The following USP16 variants were observed in gnomAD, a reference collection of about 807,000 sequenced individuals.
The protein encoded by USP16 is ubiquitin specific peptidase 16.
In USP16, 77 loss-of-function variants were observed where a neutral mutation model predicts 95.9. The ratio of observed to expected loss-of-function variants is 0.80; its 90% confidence interval spans 0.67 to 0.97. USP16 has a LOEUF of 0.97. Among genes scored for constraint, USP16 ranks in the 50% least tolerant of loss-of-function variants. The pLI is 0.00. For synonymous variants in USP16, 303 were observed against 318.2 expected, an observed-to-expected ratio of 0.95 and a Z score of 0.51; for missense variants, 943 against 959.9, an observed-to-expected ratio of 0.98 and a Z score of 0.23.
chr21:29,029,076 T>G (rs1046856963), intron 2 of USP16, among the ~76,000 whole-genome samples: 4 of 152,212 alleles, frequency 2.6e-5, no homozygotes, highest in African/African-American at 9.7e-5. Flanking sequence ...TCGGCACTGG[T>G]TAGTATCATC....
intron 2 of USP16, among the ~76,000 whole-genome samples, chr21:29,029,143 G>C (rs1413036149): frequency 6.6e-6 from 1 of 152,250 alleles, no homozygotes; most frequent in African/African-American, 2.4e-5. Context: ...ACCAGGTGTG[G>C]TGGCTCACGC....
chr21:29,040,559 A>G (rs117530642), intron 9 of USP16, 50 bp from the exon 10 acceptor site: 15,323 of 780,892 alleles, frequency 0.02, 193 homozygotes, highest in Non-Finnish European at 0.024. Context: ...TCTAAGGAAA[A>G]TAAAATTTAA....
At chr21:29,045,432 T>C (rs1330871425) in intron 13 of USP16, among the ~76,000 whole-genome samples, 8 of 152,234 alleles carry the variant, frequency 5.3e-5, no homozygotes, top group Non-Finnish European at 1.2e-4. Context: ...AAAAGTTCTT[T>C]ACTCTCTTCT....
rs539744325 is a variant in USP16 at position 29,027,953 on chromosome 21, G to A, written c.40G>A (p.Asp14Asn). 3 of 1,612,930 alleles carry A rather than the reference G, an allele frequency of 1.9e-6. No individual in the cohort carries two copies. The highest frequency in any genetic ancestry group is 2.2e-5 in the East Asian group (1 of 44,772). Residue 14 changes from aspartate to asparagine, a missense_variant, in exon 2 of 18, where the codon GAT becomes AAT. Asp to Asn is a conservative substitution (Grantham distance 23). Transcript: ENST00000399976. ...GACAAAGGGAAAAACTGTTCCAATC[G>A]ATGATTCCTCTGAAACTTTAGGTAT... Reference protein sequence around the residue: ...KRTKGKTVPIDDSSETLEPVC... With the variant: ...KRTKGKTVPINDSSETLEPVC...
At chr21:29,053,745 A>G in intron 16 of USP16, 57 bp from the exon 17 acceptor site, 1 of 1,564,194 alleles carries the variant, frequency 6.4e-7, no homozygotes, top group Non-Finnish European at 8.7e-7. Context: ...TGTCTTGCCC[A>G]TGACATCTGT....
intron 15 of USP16, 51 bp from the exon 16 acceptor site, chr21:29,050,041 C>G (rs779995844): frequency 1.1e-4 from 175 of 1,547,434 alleles, no homozygotes; most frequent in Non-Finnish European, 1.4e-4. Flanking sequence ...TTTACTTAAC[C>G]TGTATTGCTT....
chr21:29,040,153 T>G (rs1433574793), intron 9 of USP16, among the ~76,000 whole-genome samples: 1 of 152,236 alleles, frequency 6.6e-6, no homozygotes, highest in Non-Finnish European at 1.5e-5. Flanking sequence ...TCACAAAGTT[T>G]CTGTGAGGTG....
intron 16 of USP16, among the ~76,000 whole-genome samples, chr21:29,051,252 T>C (rs1290082528): frequency 2.0e-5 from 3 of 152,138 alleles, no homozygotes; most frequent in Non-Finnish European, 2.9e-5. Context: ...TTAGATACAT[T>C]TGAGTGTCAG....
chr21:29,026,215 T>C (rs537810556), intron 1 of USP16, among the ~76,000 whole-genome samples: 13 of 152,024 alleles, frequency 8.6e-5, no homozygotes, highest in Non-Finnish European at 1.9e-4. Flanking sequence ...TCCCAGCACT[T>C]TGGGAGGCCG....
chr21:29,051,593 G>A (rs1344468798), intron 16 of USP16, among the ~76,000 whole-genome samples: 1 of 152,236 alleles, frequency 6.6e-6, no homozygotes, highest in Non-Finnish European at 1.5e-5. Context: ...CACTTTGGGA[G>A]GCCGAGGCGG....
At chr21:29,048,989 T>G in intron 15 of USP16, 134 bp downstream of exon 15, 1 of 694,406 alleles carries the variant, frequency 1.4e-6, no homozygotes, top group Non-Finnish European at 2.3e-6. Context: ...GTCAATGAAG[T>G]CAGAAAGGGA....
At chr21:29,032,449 C>G (rs1235229672) in intron 3 of USP16, among the ~76,000 whole-genome samples, 1 of 152,090 alleles carries the variant, frequency 6.6e-6, no homozygotes, top group Non-Finnish European at 1.5e-5. Context: ...CCAGGCTGGT[C>G]TTGAACTCCT....
At chr21:29,033,221 T>C (rs994326436) in intron 3 of USP16, among the ~76,000 whole-genome samples, 1 of 152,216 alleles carries the variant, frequency 6.6e-6, no homozygotes, top group Admixed American at 6.5e-5. Flanking sequence ...CTAGATACCT[T>C]TGGCACTGTT....
At chr21:29,053,666 A>T in intron 16 of USP16, 136 bp from the exon 17 acceptor site, 1 of 816,166 alleles carries the variant, frequency 1.2e-6, no homozygotes, top group Non-Finnish European at 1.9e-6. Flanking sequence ...TATGGAGAAA[A>T]GAGTAGACTC....
intron 16 of USP16, among the ~76,000 whole-genome samples, chr21:29,050,858 A>C (rs975906908): frequency 6.6e-6 from 1 of 152,216 alleles, no homozygotes; most frequent in Non-Finnish European, 1.5e-5. Context: ...CTGGGGTGGC[A>C]TGGTCAGATC....
Position 29,047,261 on chromosome 21 carries a change from A to G in USP16, c.1951A>G (p.Lys651Glu), listed in dbSNP as rs1408167157. Residue 651 changes from lysine to glutamate, a missense_variant, in exon 14 of 18, where the codon AAA (lysine) becomes GAA (glutamate). Coordinates refer to ENST00000399976, the MANE Select transcript of USP16 (RefSeq NM_006447.3). ...TAATGAGAAACTTCGAGATGCGAATAAACTGCTTTGTGAAGTATGCACACG... is the reference window on the plus strand; with the variant it reads ...TAATGAGAAACTTCGAGATGCGAATGAACTGCTTTGTGAAGTATGCACACG... ...TRNEKLRDAN[K>E]LLCEVCTRRQ... 6.8e-6 allele frequency: 11 copies of G among 1,614,052 alleles called. No homozygotes were observed. Among genetic ancestry groups the G allele is most frequent in the Non-Finnish European group, 9.3e-6 (11 of 1,180,024 alleles).
chr21:29,050,088 T>C lies in USP16; in HGVS notation c.2107-4T>C. 1 of 1,610,650 alleles carries C rather than the reference T, an allele frequency of 6.2e-7. No individual in the cohort carries two copies. Among genetic ancestry groups the C allele is most frequent in the Non-Finnish European group, 8.5e-7 (1 of 1,178,910 alleles). Reference sequence around the variant, plus strand: ...GAAGTCAATCTGTTATGCTTCTCTTTTAGGCTGGTTTTAACCTACGCAAAG... The same window carrying C: ...GAAGTCAATCTGTTATGCTTCTCTTCTAGGCTGGTTTTAACCTACGCAAAG... On this transcript the variant is annotated splice_polypyrimidine_tract_variant and splice_region_variant and intron_variant, in intron 15 of 17. Transcript: ENST00000399976.
chr21:29,039,276 A>G (rs1218462489), intron 8 of USP16, 120 bp downstream of exon 8: 9 of 1,148,576 alleles, frequency 7.8e-6, no homozygotes, highest in Non-Finnish European at 1.0e-5. Context: ...CCCTCTATAT[A>G]CAAAAGGCAT....
At chr21:29,049,221 TAA>T (rs775007916) in intron 15 of USP16, among the ~76,000 whole-genome samples, 2 of 152,230 alleles carry the variant, frequency 1.3e-5, no homozygotes, top group Non-Finnish European at 2.9e-5. Context: ...GGACCCTTGA[TAA>T]AAAGACATTG....
Sources: allele counts gnomAD v4.1 joint callset (sites outside exome capture counted in the v4.1 genomes callset), GRCh38; gene constraint gnomAD v4.1.1; transcripts MANE v1.5; gene names NCBI Gene and HGNC (gene_info 2026-07-23, HGNC 2026-07-21).